The following ZC3H12B variants were observed in gnomAD, a reference collection of about 807,000 sequenced individuals.
ZC3H12B encodes probable ribonuclease ZC3H12B.
ZC3H12B carries 7 observed loss-of-function variants against 43.9 expected under a neutral mutation model. That is an observed-to-expected ratio of 0.16 (90% CI 0.09 to 0.30). The LOEUF (loss-of-function observed/expected upper bound fraction) is 0.30. Ranked by LOEUF, ZC3H12B falls within the 10% of genes least tolerant of loss-of-function variation. The probability of loss-of-function intolerance (pLI) is 1.00; values close to 1 mark genes in which losing one functional copy is unlikely to be tolerated. For synonymous variants in ZC3H12B, 222 were observed against 241.7 expected, an observed-to-expected ratio of 0.92 and a Z score of 0.76; for missense variants, 475 against 670.2, an observed-to-expected ratio of 0.71 and a Z score of 3.22.
chrX:65,367,846 C>G (rs1057220452), intron 1 of ZC3H12B, among the ~76,000 whole-genome samples: 11 of 111,100 alleles, frequency 9.9e-5, no homozygotes, highest in Non-Finnish European at 1.1e-4. Context: ...CAAGAAACAA[C>G]ACAAAACCCT....
chrX:65,279,074 T>A, the ZC3H12B span, among the ~76,000 whole-genome samples: 5 of 110,998 alleles, frequency 4.5e-5, no homozygotes, highest in African/African-American at 1.3e-4. Flanking sequence ...TTCCATTCCT[T>A]TGGTATTGTG....
intron 2 of ZC3H12B, among the ~76,000 whole-genome samples, chrX:65,385,256 C>G (rs1440072991): frequency 8.9e-6 from 1 of 111,921 alleles, no homozygotes; most frequent in Non-Finnish European, 1.9e-5. Flanking sequence ...GCCATTTTCA[C>G]GATTTTGATT....
At chrX:65,470,569 C>A (rs961486222) in intron 3 of ZC3H12B, among the ~76,000 whole-genome samples, 1 of 110,927 alleles carries the variant, frequency 9.0e-6, no homozygotes, top group Non-Finnish European at 1.9e-5. Context: ...AGGAGTCTCC[C>A]TGCCGCCCTC....
chrX:65,401,156 A>T (rs746572286), intron 3 of ZC3H12B, among the ~76,000 whole-genome samples: 1 of 110,729 alleles, frequency 9.0e-6, no homozygotes, highest in African/African-American at 3.3e-5. Context: ...TTAACTCTAT[A>T]CTGCTGAAAG....
the ZC3H12B span, among the ~76,000 whole-genome samples, chrX:65,341,182 T>C: frequency 9.0e-6 from 1 of 111,643 alleles, no homozygotes; most frequent in East Asian, 2.8e-4. Context: ...AAGGAACAAA[T>C]AAAACCTCTG....
At chrX:65,382,279 G>C (rs1663572444) in intron 2 of ZC3H12B, among the ~76,000 whole-genome samples, 2 of 109,604 alleles carry the variant, frequency 1.8e-5, no homozygotes, top group Admixed American at 2.0e-4. Context: ...TCATCCCTGG[G>C]ATGCAAGGCT....
chrX:65,084,735 G>A, the ZC3H12B span, among the ~76,000 whole-genome samples: 1 of 112,674 alleles, frequency 8.9e-6, no homozygotes, highest in East Asian at 2.8e-4. Context: ...GCTACTATGC[G>A]ATCCAGCAGC....
At chrX:65,292,694 A>T in the ZC3H12B span, among the ~76,000 whole-genome samples, 1 of 111,280 alleles carries the variant, frequency 9.0e-6, no homozygotes, top group South Asian at 3.8e-4. Flanking sequence ...GAAATCAGTA[A>T]TGGAAAGAGG....
intron 3 of ZC3H12B, among the ~76,000 whole-genome samples, chrX:65,466,935 T>TATA (rs1556248518): frequency 2.2e-5 from 1 of 44,634 alleles, no homozygotes. Context: ...TATATATATA[T>TATA]ATATATATAT....
chrX:65,412,442 ATTTG>A (rs989953238), intron 3 of ZC3H12B, among the ~76,000 whole-genome samples: 6 of 111,295 alleles, frequency 5.4e-5, no homozygotes, highest in Non-Finnish European at 9.4e-5. Flanking sequence ...GTGTACATGT[ATTTG>A]TTTGAGTACA....
At chrX:65,454,274 C>G (rs775915035) in intron 3 of ZC3H12B, among the ~76,000 whole-genome samples, 1 of 112,146 alleles carries the variant, frequency 8.9e-6, no homozygotes, top group Non-Finnish European at 1.9e-5. Context: ...TTGGGTCACT[C>G]CCACCCTAAT....
At chrX:65,192,784 A>ATAGG in the ZC3H12B span, among the ~76,000 whole-genome samples, 252 of 110,287 alleles carry the variant, frequency 2.3e-3, 2 homozygotes, top group African/African-American at 7.8e-3. Flanking sequence ...AGATAGATAG[A>ATAGG]TAGATAGATA....
chrX:65,182,010 C>T, the ZC3H12B span, among the ~76,000 whole-genome samples: 3 of 111,963 alleles, frequency 2.7e-5, no homozygotes, highest in African/African-American at 9.7e-5. Flanking sequence ...CCCAAATGCC[C>T]ATCTATGATA....
chrX:65,189,817 C>A, the ZC3H12B span, among the ~76,000 whole-genome samples: 2 of 111,048 alleles, frequency 1.8e-5, no homozygotes, highest in South Asian at 7.4e-4. Context: ...TCCCATTTGT[C>A]AATTTTGCCT....
the ZC3H12B span, among the ~76,000 whole-genome samples, chrX:65,105,525 A>G: frequency 4.5e-5 from 5 of 111,628 alleles, no homozygotes; most frequent in African/African-American, 6.5e-5. Context: ...CATCTTTCCC[A>G]TGGCCCAGGA....
intron 2 of ZC3H12B, among the ~76,000 whole-genome samples, chrX:65,383,766 C>G (rs1296488778): frequency 1.8e-5 from 2 of 111,382 alleles, no homozygotes; most frequent in East Asian, 5.7e-4. Context: ...AGAAAAAAAA[C>G]AAACAACCCC....
At chrX:65,064,014 C>A in the ZC3H12B span, among the ~76,000 whole-genome samples, 1 of 111,693 alleles carries the variant, frequency 9.0e-6, no homozygotes, top group East Asian at 2.8e-4. Flanking sequence ...TCCCTTTTAT[C>A]ATTTTTATTA....
At chrX:65,430,599 T>C (rs2067147111) in intron 3 of ZC3H12B, among the ~76,000 whole-genome samples, 1 of 103,744 alleles carries the variant, frequency 9.6e-6, no homozygotes, top group African/African-American at 3.5e-5. Context: ...CGGTGTTTGG[T>C]TTTTTGTCCC....
chrX:65,070,603 G>A, the ZC3H12B span, among the ~76,000 whole-genome samples: 1 of 110,487 alleles, frequency 9.1e-6, no homozygotes, highest in Non-Finnish European at 1.9e-5. Flanking sequence ...CAATGCCTTA[G>A]CTGTGTCCCA....
Sources: allele counts gnomAD v4.1 joint callset (sites outside exome capture counted in the v4.1 genomes callset), GRCh38; gene constraint gnomAD v4.1.1; transcripts MANE v1.5; gene names NCBI Gene and HGNC (gene_info 2026-07-23, HGNC 2026-07-21).